CARMIL1: variants seen among roughly 807,000 people sequenced by gnomAD.
The protein encoded by CARMIL1 is capping protein regulator and myosin 1 linker 1, also known as F-actin-uncapping protein LRRC16A.
Under a neutral mutation model 177.1 loss-of-function variants are expected in CARMIL1, and 90 were observed. The ratio of observed to expected loss-of-function variants is 0.51; its 90% CI spans 0.43 to 0.61. The LOEUF (loss-of-function observed/expected upper bound fraction) is 0.61, where lower values mean the gene tolerates loss of function less well. CARMIL1 is among the 20% of genes least tolerant of loss of function. The pLI is 0.00. For synonymous variants in CARMIL1, 577 were observed against 606.2 expected (o/e 0.95, Z 0.71); for missense variants, 1,380 against 1,667.0 (o/e 0.83, Z 3.00).
intron 36 of CARMIL1, among the ~76,000 whole-genome samples, chr6:25,615,350 G>A (rs1816815170): frequency 6.6e-6 from 1 of 152,132 alleles, no homozygotes; most frequent in African/African-American, 2.4e-5. Context: ...TATGTTTTGT[G>A]TGGCTACTAT....
chr6:25,543,458 C>T (rs1158767522), intron 26 of CARMIL1, among the ~76,000 whole-genome samples: 1 of 152,122 alleles, frequency 6.6e-6, no homozygotes, highest in Non-Finnish European at 1.5e-5. Flanking sequence ...TTCAGAATGA[C>T]AACACTCCCC....
intron 2 of CARMIL1, among the ~76,000 whole-genome samples, chr6:25,397,782 C>T (rs1408022248): frequency 6.6e-6 from 1 of 151,964 alleles, no homozygotes; most frequent in Non-Finnish European, 1.5e-5. Context: ...CCTAGGTATT[C>T]CATCACTCAG....
intron 2 of CARMIL1, among the ~76,000 whole-genome samples, chr6:25,295,931 C>T (rs1411728586): frequency 6.6e-6 from 1 of 152,154 alleles, no homozygotes; most frequent in Non-Finnish European, 1.5e-5. Flanking sequence ...TACCTTGGGC[C>T]TTTGAATGCT....
At chr6:25,396,980 C>A (rs189066945) in intron 2 of CARMIL1, among the ~76,000 whole-genome samples, 1 of 152,132 alleles carries the variant, frequency 6.6e-6, no homozygotes, top group African/African-American at 2.4e-5. Context: ...CATCTAGTCC[C>A]CAGCTGATTA....
Position 25,606,149 on chromosome 6 carries a change from A to G in CARMIL1, c.3723A>G (p.Ala1241=). Residue 1241 remains alanine (A), a synonymous_variant, in exon 35 of 37, where the codon GCA becomes GCG. Coordinates refer to ENST00000329474, the MANE Select transcript of CARMIL1 (RefSeq NM_017640.6). ...KNTKAEPKAE[A]GSRSRSSSST... is the part of the protein sequence containing the mutation. ...CCAAAGCAGAACCCAAAGCGGAAGC[A>G]GGCTCCAGGTCTCGGAGCTCATCCA... 6.2e-7 allele frequency: 1 copy of G among 1,613,974 alleles called. No individual in the cohort carries two copies. Among genetic ancestry groups the G allele is most frequent in the Non-Finnish European group, 8.5e-7 (1 of 1,179,872 alleles).
At chr6:25,396,053 A>T (rs1013086067) in intron 2 of CARMIL1, among the ~76,000 whole-genome samples, 1 of 152,140 alleles carries the variant, frequency 6.6e-6, no homozygotes, top group Admixed American at 6.5e-5. Context: ...CTTATATGAG[A>T]TTCATCCCCT....
In CARMIL1 at chr6:25,426,402, T is replaced by C. The variant is rs183631122; in HGVS notation, c.190-99T>C. 4 of 909,454 alleles carry C rather than the reference T, an allele frequency of 4.4e-6. No homozygotes were observed. In the East Asian group the frequency reaches 1.1e-4, roughly 24 times the overall value. The allele number at this position is 909,454 out of a possible 1,614,324, so 56.3% of individuals were successfully genotyped here. On this transcript the variant is annotated intron_variant, in intron 3 of 36. Transcript: ENST00000329474. ...GTCTTATTTGCTCTTGGGCTGTTTCTAGTTGTAGGATTTTTTTTTTTTTTT... is the reference window on the plus strand; with the variant it reads ...GTCTTATTTGCTCTTGGGCTGTTTCCAGTTGTAGGATTTTTTTTTTTTTTT...
rs184418417 is a variant in CARMIL1 at position 25,582,496 on chromosome 6, A to C, written c.3006+1057A>C. On this transcript the variant is annotated intron_variant, in intron 31 of 36. Coordinates refer to ENST00000329474, the MANE Select transcript of CARMIL1 (RefSeq NM_017640.6). ...TTAGTACCTTGGGCTCAAAAATTTGAAAGTTAGATCCCACCTTTCCTTATA... is the reference window on the plus strand; with the variant it reads ...TTAGTACCTTGGGCTCAAAAATTTGCAAGTTAGATCCCACCTTTCCTTATA... Among the ~76,000 whole-genome samples the C allele has an allele frequency of 6.6e-4, 100 of 152,288 alleles. 1 individual carries two copies. In the East Asian group the frequency reaches 9.2e-3, roughly 14 times the overall value.
At chr6:25,525,745 T>C (rs577396896) in intron 23 of CARMIL1, among the ~76,000 whole-genome samples, 63 of 152,274 alleles carry the variant, frequency 4.1e-4, no homozygotes, top group Non-Finnish European at 7.2e-4. Flanking sequence ...TATTTGAAAG[T>C]AGACTTGGAT....
At chr6:25,574,867 CTA>C (rs903922389) in intron 29 of CARMIL1, among the ~76,000 whole-genome samples, 5 of 152,024 alleles carry the variant, frequency 3.3e-5, no homozygotes, top group East Asian at 3.9e-4. Context: ...TGTTATAAAT[CTA>C]TTTCTTATTA....
intron 12 of CARMIL1, among the ~76,000 whole-genome samples, chr6:25,487,589 C>T (rs1018626448): frequency 6.6e-6 from 1 of 152,130 alleles, no homozygotes; most frequent in Non-Finnish European, 1.5e-5. Flanking sequence ...CTCGCACATT[C>T]CCATTATGCT....
At chr6:25,284,018 C>T (rs1270048752) in intron 1 of CARMIL1, among the ~76,000 whole-genome samples, 4 of 151,938 alleles carry the variant, frequency 2.6e-5, no homozygotes, top group Admixed American at 6.6e-5. Context: ...GTGCCCAGCC[C>T]GGTTCTGTTC....
In CARMIL1 at chr6:25,281,076, A is replaced by G. The variant is rs138833855; in HGVS notation, c.40+1241A>G. Among the ~76,000 whole-genome samples the G allele has an allele frequency of 1.8e-4, 27 of 151,752 alleles. 1 individual carries two copies. In the East Asian group the frequency reaches 5.3e-3, roughly 30 times the overall value. ...TTCTGCTGAATTACAGACAAACCTG[A>G]TCTTTTACCAGAATTTACAGTATGA... On this transcript the variant is annotated intron_variant, in intron 1 of 36. Coordinates refer to ENST00000329474, the MANE Select transcript of CARMIL1 (RefSeq NM_017640.6).
At chr6:25,540,479 T>C (rs1162584805) in intron 26 of CARMIL1, among the ~76,000 whole-genome samples, 3 of 152,114 alleles carry the variant, frequency 2.0e-5, no homozygotes, top group Non-Finnish European at 4.4e-5. Flanking sequence ...ACTAGGTAAA[T>C]AGATAATCTT....
intron 11 of CARMIL1, chr6:25,479,236 C>G (rs753138609): frequency 1.9e-6 from 1 of 518,990 alleles, no homozygotes; most frequent in South Asian, 1.4e-5. Context: ...TGACTTCTCT[C>G]ATGATGGATG....
chr6:25,510,880 C>A, intron 20 of CARMIL1, 118 bp downstream of exon 20: 1 of 633,392 alleles, frequency 1.6e-6, no homozygotes, highest in South Asian at 2.5e-5. Context: ...TGTACATTTT[C>A]CATTACTTTT....
At chr6:25,604,917 C>T in intron 34 of CARMIL1, 24 bp downstream of exon 34, 1 of 1,556,610 alleles carries the variant, frequency 6.4e-7, no homozygotes, top group Non-Finnish European at 8.7e-7. Context: ...TTGCCATCAC[C>T]CCCTTAGGAA....
At chr6:25,297,675 T>A (rs945315272) in intron 2 of CARMIL1, among the ~76,000 whole-genome samples, 1 of 152,254 alleles carries the variant, frequency 6.6e-6, no homozygotes, top group African/African-American at 2.4e-5. Flanking sequence ...GTGTTCTTTC[T>A]GCAGAGATTT....
At chr6:25,618,661 A>G (rs1759486539) in intron 36 of CARMIL1, among the ~76,000 whole-genome samples, 1 of 152,230 alleles carries the variant, frequency 6.6e-6, no homozygotes, top group Admixed American at 6.5e-5. Context: ...AATAGCGATA[A>G]TAAAACAGAG....
Sources: gnomAD v4.1 joint callset for allele counts (sites outside exome capture counted in the v4.1 genomes callset) on GRCh38, gnomAD v4.1.1 for gene constraint, MANE v1.5 for transcripts, NCBI Gene and HGNC (gene_info 2026-07-23, HGNC 2026-07-21) for gene names.